The following LPAR1 variants were observed in gnomAD, a reference collection of about 807,000 sequenced individuals.
The protein encoded by LPAR1 is lysophosphatidic acid receptor 1.
A neutral mutation model predicts 23.8 loss-of-function variants in LPAR1; 5 were observed. That is an observed-to-expected ratio of 0.21 (90% CI 0.11 to 0.44). The LOEUF is 0.44. LPAR1 is among the 20% of genes least tolerant of loss of function. LPAR1 has a pLI of 0.99. For synonymous variants in LPAR1, 160 were observed against 164.7 expected (o/e 0.97, Z 0.22); for missense variants, 311 against 482.8 (o/e 0.64, Z 3.33).
chr9:110,995,462 C>T (rs1039575803), intron 2 of LPAR1, among the ~76,000 whole-genome samples: 1 of 152,122 alleles, frequency 6.6e-6, no homozygotes, highest in Non-Finnish European at 1.5e-5. Context: ...AATTTCATTT[C>T]CTTTCCTGCT....
In LPAR1 at chr9:110,941,553, T is replaced by C. The variant is rs780375813; in HGVS notation, c.661A>G (p.Met221Val). ...AIFNLVTFVVMVVLYAHIFGY... is the reference protein window; with the variant it reads ...AIFNLVTFVVVVVLYAHIFGY... ...AAGATGTGAGCATAGAGAACCACCA[T>C]TACCACAAAGGTCACCAAGTTGAAA... Residue 221 changes from methionine (M) to valine (V), a missense_variant, in exon 5 of 6, where the codon ATG becomes GTG. Physicochemically the swap from Met to Val is conservative, Grantham distance 21. Around this residue, in one of 2 missense-constraint regions of LPAR1, gnomAD observed 250 missense variants for 427.2 expected, o/e 0.59. Coordinates refer to ENST00000683809, the MANE Select transcript of LPAR1 (RefSeq NM_001351411.2). The surrounding 1 kb of genome is among the most constrained non-coding windows in gnomAD (Gnocchi z 6.1). 6 of 1,614,102 alleles carry C rather than the reference T, an allele frequency of 3.7e-6. No homozygotes were observed. Among genetic ancestry groups the C allele is most frequent in the Non-Finnish European group, 5.1e-6 (6 of 1,180,012 alleles).
chr9:111,027,885 C>CAAAAAAAAAAA (rs10594862), intron 2 of LPAR1, among the ~76,000 whole-genome samples: 3 of 56,666 alleles, frequency 5.3e-5, no homozygotes, highest in African/African-American at 6.9e-5. Context: ...CACAAGTCCT[C>CAAAAAAAAAAA]AAAAAAAAAA....
chr9:110,889,122 G>A (rs1010091762), intron 5 of LPAR1, among the ~76,000 whole-genome samples: 3 of 152,172 alleles, frequency 2.0e-5, no homozygotes, highest in Non-Finnish European at 4.4e-5. Context: ...AGCACTTTGG[G>A]AGGCCGAGGC....
chr9:110,934,857 G>C (rs1455899170), intron 5 of LPAR1, among the ~76,000 whole-genome samples: 1 of 151,940 alleles, frequency 6.6e-6, no homozygotes, highest in East Asian at 1.9e-4. Context: ...GAGTGAGAGA[G>C]AGAGGAGAGG....
chr9:110,940,720 T>C (rs1245904297), intron 5 of LPAR1, among the ~76,000 whole-genome samples: 1 of 152,200 alleles, frequency 6.6e-6, no homozygotes, highest in Non-Finnish European at 1.5e-5. Flanking sequence ...TCTACACACA[T>C]AAGTGAATAT....
At chr9:110,973,328 A>G (rs2096479282) in intron 3 of LPAR1, among the ~76,000 whole-genome samples, 153 bp downstream of exon 3, 1 of 152,176 alleles carries the variant, frequency 6.6e-6, no homozygotes, top group South Asian at 2.1e-4. Context: ...AAGAAAAGGG[A>G]CTAGAGTCAC....
At chr9:110,986,780 G>C (rs78256718) in intron 2 of LPAR1, among the ~76,000 whole-genome samples, 2,589 of 151,166 alleles carry the variant, frequency 0.017, 79 homozygotes, top group African/African-American at 0.059. Context: ...CAACAGCAGA[G>C]AGTTCTCTTA....
At chr9:110,926,041 C>G (rs2094001798) in intron 5 of LPAR1, among the ~76,000 whole-genome samples, 1 of 152,216 alleles carries the variant, frequency 6.6e-6, no homozygotes, top group Non-Finnish European at 1.5e-5. Flanking sequence ...CTGCCTCAGT[C>G]TCCTGAGTAG....
Position 110,942,025 on chromosome 9 carries a change from G to T in LPAR1, c.189C>A (p.Ile63=), listed in dbSNP as rs778577962. 1.9e-6 allele frequency: 3 copies of T among 1,614,178 alleles called. No homozygotes were observed. Among genetic ancestry groups the T allele is most frequent in the Non-Finnish European group, 2.5e-6 (3 of 1,180,022 alleles). ...MGLGITVCIF[I]MLANLLVMVA... is the part of the protein sequence containing the mutation. ...CCATGACCAATAGGTTGGCCAACAT[G>T]ATGAAGATACAAACAGTGATTCCAA... is the stretch of plus-strand genomic sequence containing the variant. The change falls in exon 5 of 6, where the codon ATC becomes ATA. Residue 63 remains isoleucine (I), a synonymous_variant. Coordinates refer to ENST00000683809, the MANE Select transcript of LPAR1 (RefSeq NM_001351411.2).
At chr9:110,992,497 G>C (rs768176182) in intron 2 of LPAR1, among the ~76,000 whole-genome samples, 14 of 152,118 alleles carry the variant, frequency 9.2e-5, no homozygotes, top group Non-Finnish European at 5.9e-5. Context: ...ATTTACCCAA[G>C]AGAAAATAAA....
chr9:110,994,449 A>G (rs2096956209), intron 2 of LPAR1, among the ~76,000 whole-genome samples: 1 of 152,232 alleles, frequency 6.6e-6, no homozygotes, highest in African/African-American at 2.4e-5. Context: ...GTAAGATAAT[A>G]GGGTGAATTT....
chr9:110,956,189 C>T (rs1450409257), intron 4 of LPAR1, among the ~76,000 whole-genome samples: 4 of 137,314 alleles, frequency 2.9e-5, no homozygotes, highest in South Asian at 2.2e-4. Flanking sequence ...TTGAACAAGG[C>T]GAACACATGG....
chr9:110,954,905 T>C (rs539792320), intron 4 of LPAR1, among the ~76,000 whole-genome samples: 52 of 152,042 alleles, frequency 3.4e-4, no homozygotes, highest in African/African-American at 1.2e-3. Context: ...CATGAAAACA[T>C]ACAAAAGTGT....
chr9:110,883,952 TC>T (rs1233576869), intron 5 of LPAR1, among the ~76,000 whole-genome samples: 1 of 146,572 alleles, frequency 6.8e-6, no homozygotes, highest in African/African-American at 2.5e-5. Flanking sequence ...TTCTTCTCCC[TC>T]CCCCACCCCC....
chr9:110,895,364 C>G (rs532755571), intron 5 of LPAR1, among the ~76,000 whole-genome samples: 180 of 152,312 alleles, frequency 1.2e-3, no homozygotes, highest in Middle Eastern at 3.4e-3. Context: ...TGGCTCCAAC[C>G]TCTCCTCTCT....
chr9:110,991,033 T>G (rs149481939), intron 2 of LPAR1, among the ~76,000 whole-genome samples: 1 of 152,166 alleles, frequency 6.6e-6, no homozygotes, highest in East Asian at 1.9e-4. Flanking sequence ...AAATATAAAC[T>G]GAAAAAACCA....
At chr9:111,028,674 T>C (rs750358075) in intron 2 of LPAR1, among the ~76,000 whole-genome samples, 2 of 151,956 alleles carry the variant, frequency 1.3e-5, no homozygotes, top group African/African-American at 4.8e-5. Context: ...TACTTTTTAG[T>C]AGGCAACTAA....
chr9:111,009,149 A>G (rs773146796), intron 2 of LPAR1, among the ~76,000 whole-genome samples: 2 of 152,216 alleles, frequency 1.3e-5, no homozygotes, highest in Non-Finnish European at 2.9e-5. Flanking sequence ...ATGACTTACA[A>G]CTTTTAAGAA....
Position 110,905,096 on chromosome 9 carries a change from G to A in LPAR1, c.794-29374C>T, listed in dbSNP as rs189621514. ...GTCACCTATTTACTGCTGTTCATTC[G>A]GCATCCTTTTAGATCAACTATAACA... On this transcript the variant is annotated intron_variant, in intron 5 of 5. Coordinates refer to ENST00000683809, the MANE Select transcript of LPAR1 (RefSeq NM_001351411.2). Among the ~76,000 whole-genome samples, 972 of 148,202 alleles carry A rather than the reference G, an allele frequency of 6.6e-3. 10 individuals carry two copies. Among genetic ancestry groups the A allele is most frequent in the Non-Finnish European group, 9.5e-3 (630 of 66,014 alleles).
Sources: gnomAD v4.1 joint callset for allele counts (sites outside exome capture counted in the v4.1 genomes callset) on GRCh38, gnomAD v4.1.1 for gene constraint, gnomAD v4.1.1 regional missense constraint, Gnocchi (gnomAD v3.1) non-coding constraint, MANE v1.5 for transcripts, NCBI Gene and HGNC (gene_info 2026-07-23, HGNC 2026-07-21) for gene names.